PTPRD: variants seen among roughly 807,000 people sequenced by gnomAD.
PTPRD encodes receptor-type tyrosine-protein phosphatase delta.
In PTPRD, 34 loss-of-function variants were observed where a neutral mutation model predicts 214.5. The ratio of observed to expected loss-of-function variants is 0.16; its 90% CI spans 0.12 to 0.21. The LOEUF (loss-of-function observed/expected upper bound fraction) is 0.21, where lower values mean the gene tolerates loss of function less well. PTPRD is among the 10% of genes least tolerant of loss of function. The pLI, the probability that PTPRD is intolerant of heterozygous loss-of-function variation, is 1.00. For synonymous variants in PTPRD, 1,128 were observed against 845.7 expected (o/e 1.33, Z -5.79); for missense variants, 2,545 against 2,398.7 (o/e 1.06, Z -1.27).
intron 7 of PTPRD, among the ~76,000 whole-genome samples, chr9:9,621,976 G>A (rs779024373): frequency 2.0e-5 from 3 of 152,144 alleles, no homozygotes; most frequent in Admixed American, 6.5e-5. Flanking sequence ...ATACTGAACG[G>A]AGGCGAGGAG....
chr9:10,056,556 G>C (rs556341842), intron 3 of PTPRD, among the ~76,000 whole-genome samples: 83 of 151,980 alleles, frequency 5.5e-4, no homozygotes, highest in African/African-American at 1.9e-3. Context: ...GTTTTTAATA[G>C]TAAGTCAGTT....
intron 11 of PTPRD, among the ~76,000 whole-genome samples, chr9:8,888,192 C>T (rs1041965829): frequency 2.6e-5 from 4 of 152,148 alleles, no homozygotes; most frequent in Admixed American, 1.3e-4. Flanking sequence ...GTGAGATCAT[C>T]TTACTTCTGA....
At chr9:10,247,303 C>A (rs905160521) in intron 3 of PTPRD, among the ~76,000 whole-genome samples, 1 of 152,146 alleles carries the variant, frequency 6.6e-6, no homozygotes, top group East Asian at 1.9e-4. Context: ...TGATTAAGAT[C>A]CATGTTTCAG....
intron 43 of PTPRD, among the ~76,000 whole-genome samples, chr9:8,332,398 G>A (rs955836450): frequency 2.0e-5 from 3 of 152,128 alleles, no homozygotes; most frequent in Admixed American, 2.0e-4. Context: ...ATATGACTGT[G>A]CTGTTAAGTG....
chr9:10,578,509 G>C (rs1462353710), intron 2 of PTPRD, among the ~76,000 whole-genome samples: 1 of 151,954 alleles, frequency 6.6e-6, no homozygotes, highest in Non-Finnish European at 1.5e-5. Context: ...AAACAGAAAA[G>C]GTCCAATAGA....
At chr9:9,665,251 C>A (rs2096698594) in intron 7 of PTPRD, among the ~76,000 whole-genome samples, 1 of 151,594 alleles carries the variant, frequency 6.6e-6, no homozygotes, top group Non-Finnish European at 1.5e-5. Flanking sequence ...CATTTAAAAA[C>A]CACAAATAAT....
chr9:9,435,287 G>A (rs753918594), intron 8 of PTPRD, among the ~76,000 whole-genome samples: 2 of 151,972 alleles, frequency 1.3e-5, no homozygotes, highest in Non-Finnish European at 2.9e-5. Context: ...GAGGTGGGAG[G>A]ATTACCTGAA....
intron 5 of PTPRD, among the ~76,000 whole-genome samples, chr9:9,855,183 G>C (rs1335727109): frequency 6.6e-6 from 1 of 151,916 alleles, no homozygotes; most frequent in Admixed American, 6.6e-5. Context: ...AAGAGCAAAG[G>C]GTATATAATG....
At chr9:8,725,910 C>G (rs981819098) in intron 12 of PTPRD, among the ~76,000 whole-genome samples, 3 of 152,050 alleles carry the variant, frequency 2.0e-5, no homozygotes, top group Non-Finnish European at 4.4e-5. Flanking sequence ...ATCCTAAACA[C>G]TAGCTATGAA....
intron 10 of PTPRD, among the ~76,000 whole-genome samples, chr9:9,060,160 A>G (rs1250547827): frequency 6.6e-6 from 1 of 152,222 alleles, no homozygotes; most frequent in Non-Finnish European, 1.5e-5. Flanking sequence ...TCAAGGATTA[A>G]TTTAAAGCTA....
At chr9:10,285,091 G>A (rs2095299798) in intron 3 of PTPRD, among the ~76,000 whole-genome samples, 2 of 151,960 alleles carry the variant, frequency 1.3e-5, no homozygotes, top group Non-Finnish European at 2.9e-5. Flanking sequence ...CTTTTAATTG[G>A]TCTAATAACT....
intron 3 of PTPRD, among the ~76,000 whole-genome samples, chr9:10,205,045 A>G (rs2099462086): frequency 6.6e-6 from 1 of 151,916 alleles, no homozygotes. Flanking sequence ...ACTTTGCATT[A>G]TTTTGAGAAG....
intron 8 of PTPRD, among the ~76,000 whole-genome samples, chr9:9,546,597 A>G (rs1209485353): frequency 6.6e-6 from 1 of 151,830 alleles, no homozygotes; most frequent in Non-Finnish European, 1.5e-5. Flanking sequence ...TTTATGCTAT[A>G]TAAATTATCC....
rs200956455 is a variant in PTPRD, at chr9:8,319,950, T to A, written c.5551A>T (p.Thr1851Ser). ...ATGCTTAGCGTTATGAAGACTCCAG[T>A]TCTTCCAACGCCCGCGCTGCCACAA... Reference protein sequence around the residue: ...SVHCSAGVGRTGVFITLSIVL... With the variant: ...SVHCSAGVGRSGVFITLSIVL... The change falls in exon 45 of 46, where the codon ACT becomes TCT. Residue 1851 changes from threonine to serine, a missense_variant. Coordinates refer to ENST00000381196, the MANE Select transcript of PTPRD (RefSeq NM_002839.4). 8.1e-6 allele frequency: 13 copies of A among 1,612,338 alleles called. No homozygotes were observed. The African/African-American group carries it at 1.3e-4, about 17-fold the overall frequency.
At chr9:9,272,179 A>G (rs904171435) in intron 9 of PTPRD, among the ~76,000 whole-genome samples, 1 of 151,218 alleles carries the variant, frequency 6.6e-6, no homozygotes, top group Non-Finnish European at 1.5e-5. Context: ...GAAACTGCAT[A>G]CCCCAGAGGG....
At chr9:8,600,147 T>C (rs2094751453) in intron 14 of PTPRD, among the ~76,000 whole-genome samples, 1 of 152,152 alleles carries the variant, frequency 6.6e-6, no homozygotes. Flanking sequence ...AGTGCTGCCC[T>C]CTCACAGTGG....
intron 9 of PTPRD, among the ~76,000 whole-genome samples, chr9:9,332,172 T>C (rs1473113258): frequency 6.6e-6 from 1 of 152,086 alleles, no homozygotes; most frequent in Non-Finnish European, 1.5e-5. Context: ...ATATCTCAAA[T>C]ATATATTTGA....
Position 8,454,519 on chromosome 9 carries a change from A to T in PTPRD, c.3876-4682T>A, listed in dbSNP as rs2096100859. 3 of 1,585,760 alleles carry T rather than the reference A, an allele frequency of 1.9e-6. No homozygotes were observed. The East Asian group carries it at 6.7e-5, about 36-fold the overall frequency. On this transcript the variant is annotated intron_variant, in intron 33 of 45. Coordinates refer to ENST00000381196, the MANE Select transcript of PTPRD (RefSeq NM_002839.4). ...CGCCCTCCCCTCTTCAACAACTCTG[A>T]AGTCTACCAGTTTATTTTTTTCTTA...
rs2136956391 is a variant in PTPRD, at chr9:8,500,817, C to T, written c.2065G>A (p.Ala689Thr). ...KWTEYRITVT[A>T]HTDVGPGPES... The stretch of plus-strand genomic sequence containing the variant: ...GGGCCAGGGCCGACATCTGTATGGG[C>T]TGTCACAGTGATCCGGTATTCAGTC... The change falls in exon 24 of 46, where the codon GCC (alanine) becomes ACC (threonine). Residue 689 changes from alanine (A) to threonine (T), a missense_variant. Coordinates refer to ENST00000381196, the MANE Select transcript of PTPRD (RefSeq NM_002839.4). The T allele has an allele frequency of 1.2e-6, 2 of 1,614,152 alleles. No individual in the cohort carries two copies. The highest frequency in any genetic ancestry group is 1.1e-5 in the South Asian group (1 of 91,088).
Sources: gnomAD v4.1 joint callset for allele counts (sites outside exome capture counted in the v4.1 genomes callset) on GRCh38, gnomAD v4.1.1 for gene constraint, MANE v1.5 for transcripts, NCBI Gene and HGNC (gene_info 2026-07-23, HGNC 2026-07-21) for gene names.